RB1CC1: variants seen among roughly 807,000 people sequenced by gnomAD.
RB1CC1 encodes RB1 inducible coiled-coil 1, also known as RB1-inducible coiled-coil protein 1.
In RB1CC1, 46 loss-of-function variants were observed where a neutral mutation model predicts 177.5. The ratio of observed to expected loss-of-function variants is 0.26; its 90% CI spans 0.20 to 0.33. The LOEUF is 0.33. Among genes scored for constraint, RB1CC1 ranks in the 10% least tolerant of loss-of-function variants. The pLI, the probability that RB1CC1 is intolerant of heterozygous loss-of-function variation, is 1.00. For synonymous variants in RB1CC1, 666 were observed against 613.6 expected (o/e 1.09, Z -1.26); for missense variants, 1,703 against 1,816.3 (o/e 0.94, Z 1.13).
chr8:52,638,184 T>C (rs1018490141), intron 18 of RB1CC1, among the ~76,000 whole-genome samples: 3 of 152,218 alleles, frequency 2.0e-5, no homozygotes, highest in African/African-American at 2.4e-5. Flanking sequence ...AGTGTTTTTA[T>C]GATGAAAGGC....
intron 18 of RB1CC1, among the ~76,000 whole-genome samples, chr8:52,639,251 G>A (rs1352222580): frequency 1.3e-5 from 2 of 152,072 alleles, no homozygotes; most frequent in East Asian, 3.9e-4. Flanking sequence ...TCTTCACGAA[G>A]TCTTGCGCAT....
intron 15 of RB1CC1, among the ~76,000 whole-genome samples, chr8:52,648,911 TTAAA>T (rs1332184193): frequency 1.3e-5 from 2 of 152,158 alleles, no homozygotes; most frequent in Non-Finnish European, 2.9e-5. Flanking sequence ...TTTGGAGCCA[TTAAA>T]TAAAGGTTAC....
chr8:52,623,736 C>A lies in RB1CC1; in HGVS notation c.*46G>T. 7.0e-7 allele frequency: 1 copy of A among 1,431,374 alleles called. No homozygotes were observed. The highest frequency in any genetic ancestry group is 9.8e-7 in the Non-Finnish European group (1 of 1,016,874). 88.7% of individuals were successfully genotyped at this position (1,431,374 alleles called of 1,614,324 possible). A position where few individuals can be genotyped will look rare whatever the true frequency, so the allele number is the denominator to read the frequency against. ...GGAGTGATGAATGAGCACTGCAGGA[C>A]AAATCAGAAAAAAATGTCATAGAAT... On this transcript the variant is annotated 3_prime_UTR_variant, in exon 24 of 24. Coordinates refer to ENST00000025008, the MANE Select transcript of RB1CC1 (RefSeq NM_014781.5).
intron 1 of RB1CC1, among the ~76,000 whole-genome samples, chr8:52,712,219 C>A (rs1857115962): frequency 6.6e-6 from 1 of 152,076 alleles, no homozygotes; most frequent in South Asian, 2.1e-4. Context: ...AATATCATTA[C>A]CTGAATGAGA....
At chr8:52,647,314 C>G (rs1435570401) in intron 15 of RB1CC1, among the ~76,000 whole-genome samples, 3 of 151,994 alleles carry the variant, frequency 2.0e-5, no homozygotes, top group African/African-American at 7.3e-5. Flanking sequence ...ACTTAGTTCC[C>G]AGAAAGGCTG....
chr8:52,706,251 C>T (rs1390539624), intron 1 of RB1CC1, among the ~76,000 whole-genome samples: 1 of 151,980 alleles, frequency 6.6e-6, no homozygotes, highest in African/African-American at 2.4e-5. Flanking sequence ...TTCCCACCAG[C>T]CTTCCCTATT....
intron 21 of RB1CC1, among the ~76,000 whole-genome samples, chr8:52,630,005 C>A (rs1166354181): frequency 6.6e-6 from 1 of 152,100 alleles, no homozygotes; most frequent in Non-Finnish European, 1.5e-5. Context: ...ATATTTGGCT[C>A]AGAATAAATA....
intron 5 of RB1CC1, among the ~76,000 whole-genome samples, chr8:52,682,485 A>C (rs990124998): frequency 6.6e-6 from 1 of 152,106 alleles, no homozygotes; most frequent in Admixed American, 6.5e-5. Context: ...TGATGCATTA[A>C]AAGAGAAATA....
At chr8:52,662,759 G>A (rs1851739066) in intron 8 of RB1CC1, among the ~76,000 whole-genome samples, 1 of 151,976 alleles carries the variant, frequency 6.6e-6, no homozygotes, top group African/African-American at 2.4e-5. Context: ...ATATCTGAAA[G>A]GAAGACAATT....
chr8:52,676,190 T>C (rs1207169892), intron 6 of RB1CC1, among the ~76,000 whole-genome samples, 179 bp downstream of exon 6: 1 of 152,156 alleles, frequency 6.6e-6, no homozygotes, highest in Non-Finnish European at 1.5e-5. Context: ...GTAAAGAGAA[T>C]TATCATTTTT....
At chr8:52,666,146 A>G (rs1322928396) in intron 8 of RB1CC1, among the ~76,000 whole-genome samples, 1 of 152,146 alleles carries the variant, frequency 6.6e-6, no homozygotes, top group Non-Finnish European at 1.5e-5. Context: ...CCTAGGCCTC[A>G]CAATATTTCT....
rs184557360 is a variant in RB1CC1, at chr8:52,688,549, C to T, written c.-166-1582G>A. ...GCTCTCTGCTCTCAAACCCTGTTTT[C>T]TGTTGTTTAAGATGTTTATCAAGGT... On this transcript the variant is annotated intron_variant, in intron 1 of 23. Coordinates refer to ENST00000025008, the MANE Select transcript of RB1CC1 (RefSeq NM_014781.5). 1.2e-3 allele frequency among the ~76,000 whole-genome samples: 189 copies of T among 152,262 alleles called. 1 individual carries two copies. The highest frequency in any genetic ancestry group is 2.2e-3 in the Non-Finnish European group (153 of 68,014).
chr8:52,702,578 T>G (rs947223356), intron 1 of RB1CC1, among the ~76,000 whole-genome samples: 2 of 152,184 alleles, frequency 1.3e-5, no homozygotes, highest in Non-Finnish European at 2.9e-5. Context: ...TAGCTGGGCA[T>G]GCTGGCTCTC....
At chr8:52,640,405 C>T (rs571711411) in intron 18 of RB1CC1, among the ~76,000 whole-genome samples, 3 of 152,276 alleles carry the variant, frequency 2.0e-5, no homozygotes, top group South Asian at 2.1e-4. Flanking sequence ...AAATGATAAA[C>T]GTTTGAGGTG....
At chr8:52,684,049 T>A (rs1432988647) in intron 3 of RB1CC1, 36 bp from the exon 4 acceptor site, 12 of 1,585,636 alleles carry the variant, frequency 7.6e-6, no homozygotes, top group Non-Finnish European at 1.0e-5. Context: ...CAGTTGTTTA[T>A]ATTTGCCCAA....
chr8:52,686,703 G>A (rs989812946), intron 2 of RB1CC1, 150 bp downstream of exon 2: 1 of 214,970 alleles, frequency 4.7e-6, no homozygotes, highest in African/African-American at 2.4e-5. Context: ...GAAAGTAGTA[G>A]GTACCTTTAC....
chr8:52,712,774 G>A (rs2150738467), intron 1 of RB1CC1, among the ~76,000 whole-genome samples: 1 of 152,214 alleles, frequency 6.6e-6, no homozygotes, highest in Non-Finnish European at 1.5e-5. Flanking sequence ...AACATTAAAA[G>A]ACATGACAGG....
At chr8:52,634,808 CTATAGA>C in intron 20 of RB1CC1, 107 bp downstream of exon 20, 1 of 905,260 alleles carries the variant, frequency 1.1e-6, no homozygotes, top group Non-Finnish European at 1.6e-6. Context: ...AACAAACCTA[CTATAGA>C]TAAGTCAATC....
chr8:52,695,360 T>C (rs184504787), intron 1 of RB1CC1, among the ~76,000 whole-genome samples: 4 of 152,330 alleles, frequency 2.6e-5, no homozygotes, highest in Admixed American at 2.6e-4. Flanking sequence ...AAAATTAACA[T>C]TAACCAAAGA....
Sources: gnomAD v4.1 joint callset for allele counts (sites outside exome capture counted in the v4.1 genomes callset) on GRCh38, gnomAD v4.1.1 for gene constraint, MANE v1.5 for transcripts, NCBI Gene and HGNC (gene_info 2026-07-23, HGNC 2026-07-21) for gene names.